IL34: variants seen among roughly 807,000 people sequenced by gnomAD.
IL34 encodes interleukin-34.
In IL34, 17 loss-of-function variants were observed where a neutral mutation model predicts 25.3. The ratio of observed to expected loss-of-function variants is 0.67; its 90% confidence interval spans 0.46 to 1.01. The LOEUF (loss-of-function observed/expected upper bound fraction) is 1.01. Ranked by LOEUF, IL34 falls within the 50% of genes least tolerant of loss-of-function variation. The probability of loss-of-function intolerance (pLI) is 0.00; values close to 1 mark genes in which losing one functional copy is unlikely to be tolerated. For missense variants in IL34, 368 were observed against 312.9 expected (o/e 1.18, Z -1.33); for synonymous variants, 174 against 140.9 (o/e 1.23, Z -1.66).
chr16:70,624,614 G>A lies in IL34; in HGVS notation c.-400-21934G>A, dbSNP rs540287625. 1.6e-4 allele frequency among the ~76,000 whole-genome samples: 25 copies of A among 152,196 alleles called. No individual in the cohort carries two copies. In the East Asian group the frequency reaches 3.7e-3, roughly 22 times the overall value. ...ATATTTGATGAAAAAGAGCCTAAACGCTATCTGATTTGGGATAAAGAAAAA... is the reference window on the plus strand; with the variant it reads ...ATATTTGATGAAAAAGAGCCTAAACACTATCTGATTTGGGATAAAGAAAAA... On this transcript the variant is annotated intron_variant, in intron 1 of 6. Coordinates refer to the IL34 transcript ENST00000429149.
intron 1 of IL34, among the ~76,000 whole-genome samples, chr16:70,597,370 G>T (rs2050838625): frequency 6.6e-6 from 1 of 152,038 alleles, no homozygotes; most frequent in Non-Finnish European, 1.5e-5. Flanking sequence ...ACTGGCACAT[G>T]CCACCATGCC....
At chr16:70,619,070 T>G (rs544023175) in intron 1 of IL34, among the ~76,000 whole-genome samples, 9 of 152,314 alleles carry the variant, frequency 5.9e-5, no homozygotes, top group African/African-American at 2.2e-4. Context: ...GCATAGATCC[T>G]GAACTAACTT....
rs869059231 is a variant in IL34 at position 70,608,126 on chromosome 16, CTTT to C, written c.-401+28095_-401+28097del. Among the ~76,000 whole-genome samples, 5 of 38,868 alleles carry C rather than the reference CTTT, an allele frequency of 1.3e-4. No homozygotes were observed. The South Asian group carries it at 4.3e-3, about 34-fold the overall frequency. 25.5% of individuals were successfully genotyped at this position (38,868 alleles called of 152,430 possible). A position where few individuals can be genotyped will look rare whatever the true frequency, so the allele number is the denominator to read the frequency against. On this transcript the variant is annotated intron_variant, in intron 1 of 6. Transcript: ENST00000429149. Reference sequence around the variant, plus strand: ...ATTATGATGATTGATTTTCTTTTTTCTTTTTTTTTTTTTTTTTTTTGAGATAGA... The same window carrying C: ...ATTATGATGATTGATTTTCTTTTTTCTTTTTTTTTTTTTTTTTGAGATAGA...
intron 1 of IL34, among the ~76,000 whole-genome samples, chr16:70,620,509 G>C (rs1034016731): frequency 6.6e-6 from 1 of 152,084 alleles, no homozygotes; most frequent in African/African-American, 2.4e-5. Flanking sequence ...TCAGCCTGGC[G>C]AGGAGGGGAG....
At chr16:70,597,881 A>G (rs943647492) in intron 1 of IL34, among the ~76,000 whole-genome samples, 10 of 152,074 alleles carry the variant, frequency 6.6e-5, no homozygotes, top group Admixed American at 3.3e-4. Context: ...CTTGTCGTCC[A>G]GGCTGGAGTG....
intron 1 of IL34, among the ~76,000 whole-genome samples, chr16:70,620,887 GAGA>G (rs972088904): frequency 2.1e-4 from 32 of 152,246 alleles, no homozygotes; most frequent in Non-Finnish European, 3.7e-4. Flanking sequence ...CAGGCTAAGG[GAGA>G]AGAAGGAGGA....
chr16:70,618,304 T>C (rs1012094154), intron 1 of IL34, among the ~76,000 whole-genome samples: 2 of 151,778 alleles, frequency 1.3e-5, no homozygotes, highest in African/African-American at 4.9e-5. Context: ...GTCAGGTGGA[T>C]CTGAGAGATA....
intron 4 of IL34, 127 bp from the exon 5 acceptor site, chr16:70,659,491 C>G (rs116914017): frequency 0.017 from 20,418 of 1,226,236 alleles, 226 homozygotes; most frequent in Middle Eastern, 0.023. Context: ...TATCCAGGCT[C>G]ATGGTCACAG....
At chr16:70,613,372 C>A (rs142390476) in intron 1 of IL34, among the ~76,000 whole-genome samples, 2 of 152,142 alleles carry the variant, frequency 1.3e-5, no homozygotes, top group African/African-American at 4.8e-5. Context: ...TGGAGCGGGG[C>A]GGTTTCCTGA....
chr16:70,594,320 G>A (rs1287223273), intron 1 of IL34, among the ~76,000 whole-genome samples: 3 of 152,204 alleles, frequency 2.0e-5, no homozygotes, highest in Non-Finnish European at 4.4e-5. Flanking sequence ...TCCTCATACA[G>A]ATCTTGTACA....
intron 1 of IL34, among the ~76,000 whole-genome samples, chr16:70,610,921 G>A (rs1440677951): frequency 6.6e-6 from 1 of 152,110 alleles, no homozygotes; most frequent in East Asian, 1.9e-4. Context: ...AACTGCTTGC[G>A]TTCTTTCCCC....
At chr16:70,642,339 C>G (rs1330750568), upstream of IL34, among the ~76,000 whole-genome samples, 1 of 148,822 alleles carries the variant, frequency 6.7e-6, no homozygotes, top group African/African-American at 2.5e-5. Flanking sequence ...ACTCTGTTAC[C>G]CAGGCTGGAG....
At position 70,646,855 on chromosome 16, in the gene IL34, G is replaced by T. The variant is rs1025823694; in HGVS notation, c.-93G>T. 2 of 1,264,984 alleles carry T rather than the reference G, an allele frequency of 1.6e-6. No homozygotes were observed. The allele number at this position is 1,264,984 out of a possible 1,614,324, so 78.4% of individuals were successfully genotyped here. On this transcript the variant is annotated 5_prime_UTR_variant, in exon 1 of 6. Coordinates refer to ENST00000288098, the MANE Select transcript of IL34 (RefSeq NM_001393494.1). ...CTTCCCTGACTGAGTGACCACCTCT[G>T]CTGCCCCGAGGCCATGTAGGCCGTG...
upstream of IL34, among the ~76,000 whole-genome samples, chr16:70,641,690 C>T (rs532198130): frequency 9.2e-5 from 14 of 152,000 alleles, no homozygotes; most frequent in African/African-American, 3.1e-4. Context: ...CCTTAGCCTC[C>T]CTAGCAGCTG....
At chr16:70,617,114 G>C (rs931488098) in intron 1 of IL34, among the ~76,000 whole-genome samples, 4 of 152,074 alleles carry the variant, frequency 2.6e-5, no homozygotes, top group Non-Finnish European at 5.9e-5. Context: ...GTGATATTGT[G>C]GGGTTGTTAG....
chr16:70,589,766 G>A (rs1453136152), intron 1 of IL34, among the ~76,000 whole-genome samples: 2 of 151,962 alleles, frequency 1.3e-5, no homozygotes, highest in Non-Finnish European at 2.9e-5. Flanking sequence ...GGGATTACAG[G>A]TGCCCGCCAC....
At chr16:70,650,123 G>T (rs1355738373) in intron 1 of IL34, among the ~76,000 whole-genome samples, 1 of 152,098 alleles carries the variant, frequency 6.6e-6, no homozygotes, top group African/African-American at 2.4e-5. Context: ...TTACCTCTGG[G>T]CTAAGACAAG....
At chr16:70,620,065 G>A (rs188021646) in intron 1 of IL34, among the ~76,000 whole-genome samples, 2 of 152,058 alleles carry the variant, frequency 1.3e-5, no homozygotes, top group Non-Finnish European at 2.9e-5. Flanking sequence ...TTCTATTATT[G>A]TACACCTTGA....
chr16:70,597,204 G>A (rs2050835546), intron 1 of IL34, among the ~76,000 whole-genome samples: 1 of 151,024 alleles, frequency 6.6e-6, no homozygotes, highest in Non-Finnish European at 1.5e-5. Flanking sequence ...CCCCCTCACA[G>A]AGTTCAGCCA....
Sources: allele counts gnomAD v4.1 joint callset (sites outside exome capture counted in the v4.1 genomes callset), GRCh38; gene constraint gnomAD v4.1.1; transcripts MANE v1.5; gene names NCBI Gene and HGNC (gene_info 2026-07-23, HGNC 2026-07-21).